PHF21B: variants seen among roughly 807,000 people sequenced by gnomAD.
PHF21B encodes the protein PHD finger protein 4.
In PHF21B, 22 loss-of-function variants were observed where a neutral mutation model predicts 62.2. The observed-to-expected ratio is 0.35, with a 90% confidence interval of 0.25 to 0.51. The LOEUF is 0.51. Among genes scored for constraint, PHF21B ranks in the 20% least tolerant of loss-of-function variants. The probability of loss-of-function intolerance (pLI) is 0.97; values close to 1 mark genes in which losing one functional copy is unlikely to be tolerated. For synonymous variants in PHF21B, 341 were observed against 314.7 expected, an observed-to-expected ratio of 1.08 and a Z score of -0.88; for missense variants, 701 against 707.9, an observed-to-expected ratio of 0.99 and a Z score of 0.11.
chr22:44,931,332 G>A (rs1409306408), intron 2 of PHF21B, among the ~76,000 whole-genome samples: 4 of 152,168 alleles, frequency 2.6e-5, no homozygotes, highest in East Asian at 1.9e-4. Flanking sequence ...GCTGTGGCCC[G>A]GCTGCCAGGC....
intron 2 of PHF21B, among the ~76,000 whole-genome samples, chr22:44,954,926 G>C (rs962663520): frequency 6.6e-6 from 1 of 152,204 alleles, no homozygotes; most frequent in Admixed American, 6.5e-5. Context: ...GAATGGGACA[G>C]AGAAGGCAGG....
At chr22:44,973,922 A>C (rs1263596467) in intron 2 of PHF21B, among the ~76,000 whole-genome samples, 2 of 152,190 alleles carry the variant, frequency 1.3e-5, no homozygotes, top group Admixed American at 6.5e-5. Flanking sequence ...CCAGAAGAGG[A>C]GGCAGGTAAG....
chr22:44,889,741 G>C lies in PHF21B; in HGVS notation c.1038+19C>G, dbSNP rs202032958. 1.9e-6 allele frequency: 3 copies of C among 1,583,742 alleles called. No homozygotes were observed. The highest frequency in any genetic ancestry group is 2.6e-6 in the Non-Finnish European group (3 of 1,168,068). On this transcript the variant is annotated intron_variant, in intron 9 of 12. Transcript: ENST00000313237. Reference sequence around the variant, plus strand: ...TTCTCCACCCCGGAAGTGTGAAGACGGAGGGAGGGGACACGTACCTTCCAG... The same window carrying C: ...TTCTCCACCCCGGAAGTGTGAAGACCGAGGGAGGGGACACGTACCTTCCAG...
At chr22:44,999,665 G>A (rs1331632286) in intron 2 of PHF21B, among the ~76,000 whole-genome samples, 1 of 152,012 alleles carries the variant, frequency 6.6e-6, no homozygotes, top group East Asian at 1.9e-4. Flanking sequence ...TCTTATTGGT[G>A]CCATTACGCT....
At chr22:44,884,912 C>G (rs547187389) in intron 12 of PHF21B, among the ~76,000 whole-genome samples, 18 of 152,352 alleles carry the variant, frequency 1.2e-4, no homozygotes, top group Admixed American at 5.2e-4. Flanking sequence ...ACCACCACAA[C>G]CATCATCTTC....
chr22:44,908,142 T>G (rs961542362), intron 5 of PHF21B, among the ~76,000 whole-genome samples: 4 of 152,328 alleles, frequency 2.6e-5, no homozygotes, highest in Non-Finnish European at 2.9e-5. Flanking sequence ...ACCCCAAACC[T>G]GACCTCCACT....
intron 2 of PHF21B, among the ~76,000 whole-genome samples, chr22:44,943,010 TC>T (rs2071991594): frequency 1.1e-5 from 1 of 90,308 alleles, no homozygotes; most frequent in African/African-American, 5.4e-5. Flanking sequence ...CCCCCCCCCA[TC>T]CTCAGAAGGG....
intron 2 of PHF21B, among the ~76,000 whole-genome samples, chr22:44,949,806 A>G (rs2072157010): frequency 6.6e-6 from 1 of 152,182 alleles, no homozygotes; most frequent in African/African-American, 2.4e-5. Flanking sequence ...GCTGTGGCTG[A>G]TCATTTCAAT....
intron 12 of PHF21B, 139 bp from the exon 13 acceptor site, chr22:44,883,443 C>T (rs1341053749): frequency 2.9e-5 from 21 of 720,994 alleles, no homozygotes; most frequent in Non-Finnish European, 4.7e-5. Context: ...AAAAACCAGG[C>T]AGTGGTGCAA....
chr22:44,888,979 G>A (rs916654310), intron 9 of PHF21B, among the ~76,000 whole-genome samples: 3 of 152,178 alleles, frequency 2.0e-5, no homozygotes, highest in Non-Finnish European at 4.4e-5. Context: ...CCACATGCCC[G>A]CCCTGGATGG....
intron 2 of PHF21B, among the ~76,000 whole-genome samples, chr22:44,924,457 TG>T (rs1423693011): frequency 1.3e-5 from 2 of 152,204 alleles, no homozygotes; most frequent in African/African-American, 4.8e-5. Flanking sequence ...CTCAATGTGA[TG>T]GTATTTGGAG....
At chr22:44,917,582 G>A (rs576599823) in intron 3 of PHF21B, among the ~76,000 whole-genome samples, 11 of 152,322 alleles carry the variant, frequency 7.2e-5, no homozygotes, top group Non-Finnish European at 1.3e-4. Context: ...ACCCCGCTGC[G>A]CTCGCACTGC....
intron 2 of PHF21B, among the ~76,000 whole-genome samples, chr22:44,935,941 G>A (rs1306028823): frequency 6.6e-6 from 1 of 152,190 alleles, no homozygotes; most frequent in Non-Finnish European, 1.5e-5. Context: ...TGAGCCTGGC[G>A]CCACGCCGTG....
At chr22:44,994,641 G>A (rs1396483117) in intron 2 of PHF21B, among the ~76,000 whole-genome samples, 3 of 152,186 alleles carry the variant, frequency 2.0e-5, no homozygotes, top group African/African-American at 7.2e-5. Flanking sequence ...AGAGAGAAAA[G>A]TAACCAGCCA....
intron 2 of PHF21B, among the ~76,000 whole-genome samples, chr22:45,001,541 G>A (rs1000672883): frequency 7.2e-5 from 11 of 152,160 alleles, no homozygotes; most frequent in African/African-American, 2.7e-4. Context: ...GGACACACCT[G>A]CCTCCCCAAC....
intron 5 of PHF21B, among the ~76,000 whole-genome samples, chr22:44,906,120 G>GT (rs2071245386): frequency 2.0e-5 from 3 of 152,228 alleles, no homozygotes; most frequent in Middle Eastern, 6.8e-3. Flanking sequence ...AAGGGTGTGG[G>GT]TCCCTGGCTG....
chr22:44,989,988 C>T (rs886184750), intron 2 of PHF21B, among the ~76,000 whole-genome samples: 4 of 152,220 alleles, frequency 2.6e-5, no homozygotes, highest in East Asian at 1.9e-4. Flanking sequence ...AGCACAGGCA[C>T]GCTCTTCATA....
At chr22:44,977,464 C>T (rs2072758646) in intron 2 of PHF21B, among the ~76,000 whole-genome samples, 1 of 151,844 alleles carries the variant, frequency 6.6e-6, no homozygotes, top group African/African-American at 2.4e-5. Context: ...ACTTGGGAGG[C>T]TGAGGCAGGA....
At chr22:44,985,545 C>A (rs191298238) in intron 2 of PHF21B, among the ~76,000 whole-genome samples, 1 of 151,284 alleles carries the variant, frequency 6.6e-6, no homozygotes, top group African/African-American at 2.4e-5. Context: ...TTGCATTGAG[C>A]CATGATTGCA....
Sources: allele counts gnomAD v4.1 joint callset (sites outside exome capture counted in the v4.1 genomes callset), GRCh38; gene constraint gnomAD v4.1.1; transcripts MANE v1.5; gene names NCBI Gene and HGNC (gene_info 2026-07-23, HGNC 2026-07-21).